Variants in CHLSN observed in about 807,000 individuals in gnomAD.
The protein encoded by CHLSN is protein cholesin.
the CHLSN span, among the ~76,000 whole-genome samples, chr7:1,103,884 C>T: frequency 6.6e-6 from 1 of 152,250 alleles, no homozygotes. Flanking sequence ...GCGTGGAGAG[C>T]ACCCGGTGGG....
the CHLSN span, chr7:1,077,660 T>G: frequency 1.3e-5 from 2 of 152,416 alleles, no homozygotes; most frequent in Admixed American, 1.3e-4. Flanking sequence ...AGGGCTAGTT[T>G]GAATTTTCCT....
At chr7:992,998 C>T in the CHLSN span, among the ~76,000 whole-genome samples, 2 of 152,048 alleles carry the variant, frequency 1.3e-5, no homozygotes, top group Admixed American at 6.5e-5. Context: ...GCATAACAAG[C>T]GGGGGAGGGG....
chr7:1,136,349 T>TATATATAAAC, the CHLSN span, among the ~76,000 whole-genome samples: 1 of 47,458 alleles, frequency 2.1e-5, no homozygotes, highest in African/African-American at 1.3e-4. Flanking sequence ...AACATATAAA[T>TATATATAAAC]ATATATAAAC....
the CHLSN span, among the ~76,000 whole-genome samples, chr7:1,072,483 T>G: frequency 6.6e-6 from 1 of 152,168 alleles, no homozygotes; most frequent in East Asian, 1.9e-4. Flanking sequence ...GCTTCTGCGC[T>G]TAGGCATATG....
chr7:1,124,745 CAAAA>C, the CHLSN span, among the ~76,000 whole-genome samples: 304 of 122,144 alleles, frequency 2.5e-3, 1 homozygote, highest in African/African-American at 8.6e-3. Flanking sequence ...TAAAAAAGCA[CAAAA>C]AAAAAAAAAA....
At chr7:1,011,407 A>C in the CHLSN span, among the ~76,000 whole-genome samples, 1 of 130,042 alleles carries the variant, frequency 7.7e-6, no homozygotes, top group Admixed American at 7.8e-5. Flanking sequence ...ACAGATACCC[A>C]AACACCCACA....
chr7:1,115,599 T>C, the CHLSN span, among the ~76,000 whole-genome samples: 2 of 125,352 alleles, frequency 1.6e-5, no homozygotes, highest in South Asian at 2.7e-4. Flanking sequence ...ATGGCATCAC[T>C]ACAGCTCTAG....
the CHLSN span, among the ~76,000 whole-genome samples, chr7:1,031,941 G>A: frequency 4.6e-5 from 7 of 152,088 alleles, no homozygotes; most frequent in Non-Finnish European, 7.4e-5. Context: ...CTGCGAGGAC[G>A]TGCCGAGGGG....
chr7:1,038,235 G>A, the CHLSN span, among the ~76,000 whole-genome samples: 1 of 87,308 alleles, frequency 1.1e-5, no homozygotes, highest in African/African-American at 4.2e-5. Flanking sequence ...CCGGCCAGCC[G>A]TGCCATCCGG....
At chr7:1,106,551 C>T in the CHLSN span, among the ~76,000 whole-genome samples, 1 of 152,190 alleles carries the variant, frequency 6.6e-6, no homozygotes, top group East Asian at 1.9e-4. Flanking sequence ...GACGGATTGA[C>T]ACGTCAGGAG....
At chr7:1,017,611 CCTT>C in the CHLSN span, among the ~76,000 whole-genome samples, 1 of 151,916 alleles carries the variant, frequency 6.6e-6, no homozygotes, top group South Asian at 2.1e-4. Flanking sequence ...CCCTCCTGCA[CCTT>C]CTTCTGGGGA....
At chr7:1,136,070 ATAAGTATATATAAATTTATATAAATG>A in the CHLSN span, among the ~76,000 whole-genome samples, 42 of 117,328 alleles carry the variant, frequency 3.6e-4, no homozygotes, top group African/African-American at 1.4e-3. Flanking sequence ...ATATATAAAT[ATAAGTATATATAAATTTATATAAATG>A]TGTATATAAA....
At chr7:989,247 C>T in the CHLSN span, 1 of 194,584 alleles carries the variant, frequency 5.1e-6, no homozygotes, top group Non-Finnish European at 1.1e-5. Flanking sequence ...CCCCCAGGTC[C>T]TGGGACTCCT....
the CHLSN span, among the ~76,000 whole-genome samples, chr7:1,086,221 C>G: frequency 6.6e-6 from 1 of 152,260 alleles, no homozygotes. Flanking sequence ...TGGGTTTGCA[C>G]TAGCAGGGTG....
At chr7:1,110,628 G>T in the CHLSN span, among the ~76,000 whole-genome samples, 1 of 152,196 alleles carries the variant, frequency 6.6e-6, no homozygotes, top group Admixed American at 6.5e-5. Context: ...CACGGGCCTC[G>T]CGGGGCCTGT....
the CHLSN span, among the ~76,000 whole-genome samples, chr7:1,046,290 G>T: frequency 1.3e-5 from 2 of 152,180 alleles, no homozygotes; most frequent in African/African-American, 4.8e-5. Flanking sequence ...CAACCACAGC[G>T]AGGTCTTGCC....
the CHLSN span, among the ~76,000 whole-genome samples, chr7:1,089,082 G>A: frequency 2.0e-5 from 3 of 152,108 alleles, no homozygotes; most frequent in Non-Finnish European, 4.4e-5. Context: ...GCCACGCCAC[G>A]GTCTAATACG....
the CHLSN span, among the ~76,000 whole-genome samples, chr7:1,089,259 C>G: frequency 3.9e-5 from 6 of 152,324 alleles, no homozygotes; most frequent in Admixed American, 2.6e-4. Context: ...ATCAAGAGTG[C>G]AAAATAACCA....
At chr7:1,132,694 T>TA in the CHLSN span, among the ~76,000 whole-genome samples, 31,048 of 106,788 alleles carry the variant, frequency 0.29, 4,759 homozygotes, top group African/African-American at 0.32. Context: ...AACCTGTCTT[T>TA]AAAAAAAAAA....
Sources: gnomAD v4.1 joint callset for allele counts (sites outside exome capture counted in the v4.1 genomes callset) on GRCh38, gnomAD v4.1.1 for gene constraint, MANE v1.5 for transcripts, NCBI Gene and HGNC (gene_info 2026-07-23, HGNC 2026-07-21) for gene names.